The following EPHB1 variants were observed in gnomAD, a reference collection of about 807,000 sequenced individuals.
The protein encoded by EPHB1 is ephrin type-B receptor 1.
A neutral mutation model predicts 94.4 loss-of-function variants in EPHB1; 30 were observed. That is an observed-to-expected ratio of 0.32 (90% CI 0.24 to 0.43). The LOEUF is 0.43. Ranked by LOEUF, EPHB1 falls within the 20% of genes least tolerant of loss-of-function variation. The pLI, the probability that EPHB1 is intolerant of heterozygous loss-of-function variation, is 1.00. For missense variants in EPHB1, 1,055 were observed against 1,308.3 expected (o/e 0.81, Z 2.99); for synonymous variants, 522 against 489.1 (o/e 1.07, Z -0.89).
intron 3 of EPHB1, among the ~76,000 whole-genome samples, chr3:134,989,724 G>A (rs1172698591): frequency 6.6e-6 from 1 of 152,042 alleles, no homozygotes; most frequent in Non-Finnish European, 1.5e-5. Flanking sequence ...AAAAATAAAT[G>A]AATATAAATG....
In EPHB1 at chr3:135,097,358, G is replaced by A. The variant is rs1026059850; in HGVS notation, c.806-9090G>A. ...CCTGGACTCTCTTCTGAGAGAAACC[G>A]ATGCCTAGCACAGCCTCCTACAACC... On this transcript the variant is annotated intron_variant, in intron 3 of 15. Coordinates refer to ENST00000398015, the MANE Select transcript of EPHB1 (RefSeq NM_004441.5). Among the ~76,000 whole-genome samples, 9 of 151,942 alleles carry A rather than the reference G, an allele frequency of 5.9e-5. No individual in the cohort carries two copies. The South Asian group carries it at 6.2e-4, about 11-fold the overall frequency.
At chr3:134,997,978 GCT>G (rs1407545174) in intron 3 of EPHB1, among the ~76,000 whole-genome samples, 3 of 152,128 alleles carry the variant, frequency 2.0e-5, no homozygotes, top group Non-Finnish European at 4.4e-5. Flanking sequence ...CTCCATTTCT[GCT>G]CTCTTTCAGG....
chr3:135,130,722 C>G (rs552643001), intron 4 of EPHB1, among the ~76,000 whole-genome samples: 2 of 152,108 alleles, frequency 1.3e-5, no homozygotes, highest in Non-Finnish European at 2.9e-5. Flanking sequence ...CCCCTTCACC[C>G]GAGGCTGCTT....
intron 1 of EPHB1, among the ~76,000 whole-genome samples, chr3:134,805,973 G>A (rs74911984): frequency 0.029 from 4,374 of 152,164 alleles, 154 homozygotes; most frequent in African/African-American, 0.069. Flanking sequence ...GTTCTATCCT[G>A]ATTGTCATGG....
rs138670564 is a variant in EPHB1 at position 134,954,873 on chromosome 3, A to G, written c.805+2821A>G. ...GCTGTGCAGAGGCACCTGGAGACCA[A>G]TTAGACAGCACAGCCAGCAAAGAGT... On this transcript the variant is annotated intron_variant, in intron 3 of 15. Transcript: ENST00000398015. Among the ~76,000 whole-genome samples, 582 of 152,206 alleles carry G rather than the reference A, an allele frequency of 3.8e-3. 7 individuals carry two copies. The highest frequency in any genetic ancestry group is 0.013 in the African/African-American group (553 of 41,548).
chr3:134,809,704 A>G (rs2036131416), intron 1 of EPHB1, among the ~76,000 whole-genome samples: 1 of 152,226 alleles, frequency 6.6e-6, no homozygotes, highest in Non-Finnish European at 1.5e-5. Flanking sequence ...TACTAACAGC[A>G]TCACGTGGAT....
intron 1 of EPHB1, among the ~76,000 whole-genome samples, chr3:134,830,140 T>C (rs2036555477): frequency 6.6e-6 from 1 of 152,166 alleles, no homozygotes; most frequent in South Asian, 2.1e-4. Flanking sequence ...TTGTGCTCAT[T>C]CCTCCCCTGC....
At chr3:134,875,638 A>G (rs1174358778) in intron 1 of EPHB1, among the ~76,000 whole-genome samples, 1 of 152,068 alleles carries the variant, frequency 6.6e-6, no homozygotes, top group Non-Finnish European at 1.5e-5. Context: ...GATAATAACT[A>G]CCTCTCAAGG....
At chr3:134,818,486 T>A (rs2036312406) in intron 1 of EPHB1, among the ~76,000 whole-genome samples, 1 of 152,210 alleles carries the variant, frequency 6.6e-6, no homozygotes, top group Non-Finnish European at 1.5e-5. Flanking sequence ...CCAAGCAGTA[T>A]ACACTGCACC....
At chr3:135,237,191 G>A (rs1057490359) in intron 12 of EPHB1, among the ~76,000 whole-genome samples, 1 of 152,064 alleles carries the variant, frequency 6.6e-6, no homozygotes, top group Admixed American at 6.6e-5. Flanking sequence ...GCTGGCAGGT[G>A]TGGATGTGGG....
In EPHB1 at chr3:135,259,812, A is replaced by G. The variant is rs187432246; in HGVS notation, c.*692A>G. 2.3e-3 allele frequency: 351 copies of G among 153,104 alleles called. 1 individual carries two copies. The highest frequency in any genetic ancestry group is 3.2e-3 in the South Asian group (9 of 2,794). 9.5% of individuals were successfully genotyped at this position (153,104 alleles called of 1,614,324 possible). A position where few individuals can be genotyped will look rare whatever the true frequency, so the allele number is the denominator to read the frequency against. On this transcript the variant is annotated 3_prime_UTR_variant, in exon 16 of 16. Transcript: ENST00000398015. ...AGGAAAAAGAAACCACAAATTGGGGAAAAAAAAAGAAGAAAAACCTGTTTC... is the reference window on the plus strand; with the variant it reads ...AGGAAAAAGAAACCACAAATTGGGGGAAAAAAAAGAAGAAAAACCTGTTTC...
At chr3:135,033,926 G>T (rs140992963) in intron 3 of EPHB1, among the ~76,000 whole-genome samples, 2 of 152,236 alleles carry the variant, frequency 1.3e-5, no homozygotes, top group African/African-American at 4.8e-5. Flanking sequence ...GCAAAATGCC[G>T]CCTTTTGTAG....
chr3:134,982,446 T>A (rs1289522190), intron 3 of EPHB1, among the ~76,000 whole-genome samples: 1 of 152,178 alleles, frequency 6.6e-6, no homozygotes, highest in Non-Finnish European at 1.5e-5. Context: ...AGGTGGTGTG[T>A]TCCTGCGTGA....
chr3:135,169,063 G>A (rs548793974), intron 9 of EPHB1, among the ~76,000 whole-genome samples: 57 of 152,230 alleles, frequency 3.7e-4, no homozygotes, highest in Admixed American at 5.9e-4. Flanking sequence ...TCCTGCTCTC[G>A]AGGAGTAGCT....
chr3:135,182,995 C>CTT (rs1237568095), intron 10 of EPHB1, among the ~76,000 whole-genome samples: 1 of 71,558 alleles, frequency 1.4e-5, no homozygotes, highest in East Asian at 7.5e-4. Flanking sequence ...GCTTTCTTTT[C>CTT]TTTTCTTTTC....
intron 3 of EPHB1, among the ~76,000 whole-genome samples, chr3:135,058,892 T>A (rs1294303841): frequency 6.6e-6 from 1 of 152,212 alleles, no homozygotes; most frequent in Non-Finnish European, 1.5e-5. Context: ...ATGGAGGGTT[T>A]AGTATGAACC....
chr3:134,961,672 C>T (rs2107722055), intron 3 of EPHB1, among the ~76,000 whole-genome samples: 1 of 152,312 alleles, frequency 6.6e-6, no homozygotes, highest in East Asian at 1.9e-4. Flanking sequence ...CTAGTTTCCC[C>T]ACATCTCTTC....
At chr3:135,257,087 T>C (rs1576507789) in intron 15 of EPHB1, among the ~76,000 whole-genome samples, 1 of 148,060 alleles carries the variant, frequency 6.8e-6, no homozygotes, top group East Asian at 1.9e-4. Flanking sequence ...TAAGCACTTC[T>C]CTGTATTGGT....
intron 3 of EPHB1, among the ~76,000 whole-genome samples, chr3:135,054,071 A>ACG (rs1937278648): frequency 2.0e-5 from 3 of 151,740 alleles, no homozygotes; most frequent in African/African-American, 7.3e-5. Flanking sequence ...ACACACACAC[A>ACG]TAGCATTATT....
Sources: allele counts gnomAD v4.1 joint callset (sites outside exome capture counted in the v4.1 genomes callset), GRCh38; gene constraint gnomAD v4.1.1; transcripts MANE v1.5; gene names NCBI Gene and HGNC (gene_info 2026-07-23, HGNC 2026-07-21).